NEIL3: variants seen among roughly 807,000 people sequenced by gnomAD.
The protein encoded by NEIL3 is endonuclease 8-like 3.
NEIL3 carries 48 observed loss-of-function variants against 57.5 expected under a neutral mutation model. That is an observed-to-expected ratio of 0.83 (90% CI 0.66 to 1.06). The LOEUF is 1.06. NEIL3 is among the 50% of genes least tolerant of loss of function. NEIL3 has a pLI of 0.00. For missense variants in NEIL3, 717 were observed against 739.1 expected, an observed-to-expected ratio of 0.97 and a Z score of 0.35; for synonymous variants, 261 against 253.2, an observed-to-expected ratio of 1.03 and a Z score of -0.29.
At position 177,325,906 on chromosome 4, in the gene NEIL3, T is replaced by C. The variant is rs1013178515; in HGVS notation, c.278+3326T>C. On this transcript the variant is annotated intron_variant, in intron 2 of 9. Transcript: ENST00000264596. Reference sequence around the variant, plus strand: ...TTTTATTGGATATATTTTTGTATTATTGAGTTATAGTATTCTGTATATATT... The same window carrying C: ...TTTTATTGGATATATTTTTGTATTACTGAGTTATAGTATTCTGTATATATT... 3.6e-4 allele frequency among the ~76,000 whole-genome samples: 55 copies of C among 152,164 alleles called. 1 individual carries two copies. Among genetic ancestry groups the C allele is most frequent in the African/African-American group, 1.3e-3 (54 of 41,462 alleles).
At chr4:177,348,977 C>T (rs1735292414) in intron 6 of NEIL3, among the ~76,000 whole-genome samples, 1 of 146,128 alleles carries the variant, frequency 6.8e-6, no homozygotes, top group African/African-American at 2.5e-5. Context: ...ACGCCATTCT[C>T]CTGCCTCAGC....
intron 2 of NEIL3, 61 bp downstream of exon 2, chr4:177,322,641 G>A: frequency 6.2e-7 from 1 of 1,602,698 alleles, no homozygotes; most frequent in Non-Finnish European, 8.5e-7. Flanking sequence ...TAGAAGGCTA[G>A]ATGGAGTTTG....
rs1735594512 is a variant in NEIL3, at chr4:177,360,840, C to T, written c.1635+163C>T. ...CTTGAATGTTGACTAACTTAAAATT[C>T]AGATGTTCAGCCACAAGAAATTTAA... On this transcript the variant is annotated intron_variant, in intron 9 of 9. Transcript: ENST00000264596. Among the ~76,000 whole-genome samples, 6 of 152,278 alleles carry T rather than the reference C, an allele frequency of 3.9e-5. No individual in the cohort carries two copies. In the South Asian group the frequency reaches 1.2e-3, roughly 32 times the overall value.
At chr4:177,351,838 A>C (rs1735359600) in intron 7 of NEIL3, among the ~76,000 whole-genome samples, 1 of 152,224 alleles carries the variant, frequency 6.6e-6, no homozygotes, top group African/African-American at 2.4e-5. Flanking sequence ...TGAATTATTC[A>C]ATAAAGCTTT....
intron 3 of NEIL3, 122 bp from the exon 4 acceptor site, chr4:177,335,986 T>G: frequency 9.8e-7 from 1 of 1,023,694 alleles, no homozygotes; most frequent in Non-Finnish European, 1.4e-6. Flanking sequence ...CTTTGTTGTT[T>G]GCATATGTAA....
chr4:177,321,702 A>G (rs35444360), intron 1 of NEIL3, among the ~76,000 whole-genome samples: 2,469 of 152,312 alleles, frequency 0.016, 27 homozygotes, highest in Non-Finnish European at 0.027. Flanking sequence ...GGGAAAGGGA[A>G]TATGAGTTTA....
At position 177,309,998 on chromosome 4, in the gene NEIL3, C is replaced by A. The variant is rs10013040; in HGVS notation, c.45C>A (p.Arg15=). Residue 15 remains arginine (R), a synonymous_variant, in exon 1 of 10, where the codon CGC becomes CGA. Transcript: ENST00000264596. ...PGCTLNGEKI[R]ARVLPGQAVT... Reference sequence around the variant, plus strand: ...GTACTCTGAATGGAGAGAAGATTCGCGCGCGGGTGCTCCCGGGCCAGGCGG... The same window carrying A: ...GTACTCTGAATGGAGAGAAGATTCGAGCGCGGGTGCTCCCGGGCCAGGCGG... 348,357 of 1,609,634 alleles carry A rather than the reference C, an allele frequency of 0.22. 38,459 individuals carry two copies. The highest frequency in any genetic ancestry group is 0.29 in the Middle Eastern group (1,419 of 4,978).
intron 5 of NEIL3, among the ~76,000 whole-genome samples, chr4:177,340,252 C>G (rs1367600507): frequency 6.6e-6 from 1 of 152,158 alleles, no homozygotes; most frequent in Non-Finnish European, 1.5e-5. Flanking sequence ...TTGCCACTTA[C>G]TACTATCTGT....
intron 8 of NEIL3, 72 bp downstream of exon 8, chr4:177,353,800 C>G (rs528730548): frequency 6.1e-6 from 8 of 1,308,780 alleles, no homozygotes; most frequent in East Asian, 4.7e-5. Context: ...AGGTCTCACT[C>G]TGTCACCTAG....
At chr4:177,336,381 C>T (rs1030549149) in intron 4 of NEIL3, 60 bp downstream of exon 4, 5 of 1,307,758 alleles carry the variant, frequency 3.8e-6, no homozygotes, top group Non-Finnish European at 4.4e-6. Context: ...AAGGAACCAA[C>T]GTGGAAGCCT....
rs143217596 is a variant in NEIL3 at position 177,318,519 on chromosome 4, G to A, written c.157-3940G>A. 5.5e-4 allele frequency among the ~76,000 whole-genome samples: 84 copies of A among 152,280 alleles called. No individual in the cohort carries two copies. In the East Asian group the frequency reaches 0.016, roughly 29 times the overall value. ...AGTAGAAAACTTCCCCAGGAAATTGGCAAAGTTTTCAGAACTGATAGAGTA... is the reference window on the plus strand; with the variant it reads ...AGTAGAAAACTTCCCCAGGAAATTGACAAAGTTTTCAGAACTGATAGAGTA... On this transcript the variant is annotated intron_variant, in intron 1 of 9. Transcript: ENST00000264596.
chr4:177,362,144 G>A (rs533735318), intron 9 of NEIL3, 145 bp from the exon 10 acceptor site: 30 of 477,946 alleles, frequency 6.3e-5, no homozygotes, highest in African/African-American at 4.6e-4. Context: ...TAAAGGCGAC[G>A]ACTAATTACT....
chr4:177,352,657 C>T (rs1236601698), intron 7 of NEIL3, among the ~76,000 whole-genome samples: 1 of 151,920 alleles, frequency 6.6e-6, no homozygotes, highest in Admixed American at 6.6e-5. Context: ...GGTGAAACCC[C>T]ATCTCTACTA....
Position 177,353,757 on chromosome 4 carries a change from G to C in NEIL3, c.1460+29G>C, listed in dbSNP as rs771260613. 125 of 1,415,128 alleles carry C rather than the reference G, an allele frequency of 8.8e-5. 1 individual carries two copies. The highest frequency in any genetic ancestry group is 1.1e-4 in the Non-Finnish European group (118 of 1,027,250). The allele number at this position is 1,415,128 out of a possible 1,614,324, so 87.7% of individuals were successfully genotyped here. ...TGATGCTTTTAACCTTGGTCTTTAA[G>C]ATAATTGCTTTTTTTTTTTTTTTTT... On this transcript the variant is annotated intron_variant, in intron 8 of 9. Coordinates refer to ENST00000264596, the MANE Select transcript of NEIL3 (RefSeq NM_018248.3).
At chr4:177,363,860 C>T (rs1228763940), downstream of NEIL3, among the ~76,000 whole-genome samples, 3 of 152,152 alleles carry the variant, frequency 2.0e-5, no homozygotes, top group African/African-American at 7.2e-5. Context: ...AAGCGATCCC[C>T]TAGCCTCAGC....
chr4:177,336,018 A>G (rs1185549657), intron 3 of NEIL3, 90 bp from the exon 4 acceptor site: 1 of 1,147,652 alleles, frequency 8.7e-7, no homozygotes, highest in Admixed American at 2.2e-5. Flanking sequence ...TGATTAACAT[A>G]AAGTGCTTAT....
intron 2 of NEIL3, among the ~76,000 whole-genome samples, chr4:177,330,801 A>G (rs1734870962): frequency 6.6e-6 from 1 of 152,198 alleles, no homozygotes; most frequent in African/African-American, 2.4e-5. Context: ...TTGATAAGCT[A>G]TGTAACTTTT....
chr4:177,319,880 A>G (rs1463607260), intron 1 of NEIL3, among the ~76,000 whole-genome samples: 1 of 152,170 alleles, frequency 6.6e-6, no homozygotes, highest in East Asian at 1.9e-4. Context: ...GGCTAAAACA[A>G]GTTGCTAGTA....
chr4:177,314,068 T>C (rs376515055), intron 1 of NEIL3, among the ~76,000 whole-genome samples: 1 of 152,206 alleles, frequency 6.6e-6, no homozygotes, highest in African/African-American at 2.4e-5. Flanking sequence ...AGATTCATTT[T>C]CCAGCAAAAT....
Sources: gnomAD v4.1 joint callset for allele counts (sites outside exome capture counted in the v4.1 genomes callset) on GRCh38, gnomAD v4.1.1 for gene constraint, MANE v1.5 for transcripts, NCBI Gene and HGNC (gene_info 2026-07-23, HGNC 2026-07-21) for gene names.